The following FNBP1L variants were observed in gnomAD, a reference collection of about 807,000 sequenced individuals.
The protein encoded by FNBP1L is formin binding protein 1 like, also known as formin-binding protein 1-like.
In FNBP1L, 36 loss-of-function variants were observed where a neutral mutation model predicts 91.2. The ratio of observed to expected loss-of-function variants is 0.39; its 90% confidence interval spans 0.30 to 0.52. The LOEUF is 0.52. Among genes scored for constraint, FNBP1L ranks in the 20% least tolerant of loss-of-function variants. The probability of loss-of-function intolerance (pLI) is 0.66; values close to 1 mark genes in which losing one functional copy is unlikely to be tolerated. For synonymous variants in FNBP1L, 242 were observed against 237.0 expected (o/e 1.02, Z -0.19); for missense variants, 571 against 732.1 (o/e 0.78, Z 2.54).
intron 1 of FNBP1L, among the ~76,000 whole-genome samples, chr1:93,474,533 C>G (rs12742850): frequency 0.48 from 72,445 of 152,110 alleles, 20,675 homozygotes; most frequent in Non-Finnish European, 0.62. Context: ...ATAGACGTGC[C>G]TAGCCTGAGA....
intron 2 of FNBP1L, among the ~76,000 whole-genome samples, chr1:93,502,715 T>C (rs978794227): frequency 1.3e-5 from 2 of 152,234 alleles, no homozygotes; most frequent in Admixed American, 1.3e-4. Flanking sequence ...AAAGGTGATT[T>C]GAAGGAATGA....
At position 93,529,688 on chromosome 1, in the gene FNBP1L, G is replaced by T; in HGVS notation, c.442G>T (p.Glu148Ter). 1 of 1,514,196 alleles carries T rather than the reference G, an allele frequency of 6.6e-7. No homozygotes were observed. The highest frequency in any genetic ancestry group is 8.8e-7 in the Non-Finnish European group (1 of 1,135,458). 93.8% of individuals were successfully genotyped at this position (1,514,196 alleles called of 1,614,324 possible). The change falls in exon 6 of 17, where the codon GAA (glutamate) becomes TAA (stop). Residue 148 changes from glutamate to a stop codon, truncating the protein, a stop_gained. Transcript: ENST00000271234. LOFTEE classifies it high-confidence loss of function. ...KKFERECREA[E>*]KAQQSYERLD... ...GTTTGAAAGAGAATGTAGAGAGGCA[G>T]AAAAGGCACAACAGAGTTATGAAAG...
intron 6 of FNBP1L, 23 bp downstream of exon 6, chr1:93,529,779 T>A (rs1472573703): frequency 7.6e-7 from 1 of 1,313,146 alleles, no homozygotes; most frequent in Admixed American, 2.7e-5. Context: ...CCAAACCAAC[T>A]TTAATGTCAA....
At chr1:93,531,561 G>T in intron 7 of FNBP1L, among the ~76,000 whole-genome samples, 1 of 152,168 alleles carries the variant, frequency 6.6e-6, no homozygotes, top group East Asian at 1.9e-4. Context: ...GTCAGCCCGG[G>T]TACACTTTTT....
chr1:93,536,156 G>T (rs936633040), intron 9 of FNBP1L, among the ~76,000 whole-genome samples, 176 bp from the exon 10 acceptor site: 16 of 151,894 alleles, frequency 1.1e-4, no homozygotes, highest in Non-Finnish European at 2.9e-5. Flanking sequence ...AAGTAAATTT[G>T]ATTTTTTTAA....
At chr1:93,532,633 AG>A (rs1323807885) in intron 7 of FNBP1L, among the ~76,000 whole-genome samples, 1 of 152,196 alleles carries the variant, frequency 6.6e-6, no homozygotes, top group East Asian at 1.9e-4. Context: ...GCTATGGGGC[AG>A]GGAGCTGATA....
chr1:93,502,632 C>T (rs60621252), intron 2 of FNBP1L, among the ~76,000 whole-genome samples: 2,776 of 152,186 alleles, frequency 0.018, 96 homozygotes, highest in African/African-American at 0.064. Flanking sequence ...GTGGCTAGAA[C>T]CCACAACTTC....
chr1:93,512,004 A>C (rs1479705737), intron 2 of FNBP1L, among the ~76,000 whole-genome samples: 1 of 149,672 alleles, frequency 6.7e-6, no homozygotes, highest in Non-Finnish European at 1.5e-5. Context: ...AAGACCCATC[A>C]GTGTGCTGTA....
intron 1 of FNBP1L, among the ~76,000 whole-genome samples, chr1:93,494,664 G>T (rs1570801533): frequency 6.6e-6 from 1 of 152,124 alleles, no homozygotes; most frequent in East Asian, 1.9e-4. Flanking sequence ...TTAGAATCAG[G>T]GGTGGAGACC....
chr1:93,490,773 C>T (rs1360727168), intron 1 of FNBP1L, among the ~76,000 whole-genome samples: 1 of 152,156 alleles, frequency 6.6e-6, no homozygotes, highest in Non-Finnish European at 1.5e-5. Context: ...CACCTTCACT[C>T]CTTTAGTTTG....
intron 1 of FNBP1L, among the ~76,000 whole-genome samples, chr1:93,497,062 G>A (rs980146944): frequency 3.9e-5 from 6 of 152,044 alleles, no homozygotes; most frequent in Non-Finnish European, 7.4e-5. Context: ...CTGGGTTCAT[G>A]CCATTCCCTG....
chr1:93,500,680 A>C (rs890959732), intron 2 of FNBP1L, among the ~76,000 whole-genome samples: 6 of 150,748 alleles, frequency 4.0e-5, no homozygotes, highest in African/African-American at 1.0e-4. Flanking sequence ...AAATTAATTT[A>C]AACTAGTGGT....
chr1:93,480,580 C>G (rs1669663464), intron 1 of FNBP1L, among the ~76,000 whole-genome samples: 1 of 151,728 alleles, frequency 6.6e-6, no homozygotes, highest in African/African-American at 2.4e-5. Flanking sequence ...CTCTTAGAGT[C>G]TCTTAATTTT....
intron 2 of FNBP1L, among the ~76,000 whole-genome samples, chr1:93,507,102 CACACA>C: frequency 1.4e-5 from 1 of 71,488 alleles, no homozygotes; most frequent in Non-Finnish European, 2.5e-5. Context: ...CACACACACA[CACACA>C]CTCTCTCTCT....
At chr1:93,457,636 T>A (rs1427581148) in intron 1 of FNBP1L, among the ~76,000 whole-genome samples, 1 of 152,100 alleles carries the variant, frequency 6.6e-6, no homozygotes, top group Non-Finnish European at 1.5e-5. Context: ...TTGGCTTATC[T>A]TTGATGATTT....
At chr1:93,466,072 A>AT (rs544551603) in intron 1 of FNBP1L, among the ~76,000 whole-genome samples, 151 of 151,622 alleles carry the variant, frequency 1.0e-3, no homozygotes, top group African/African-American at 3.5e-3. Flanking sequence ...TTTCTTGTAA[A>AT]TTTGTTTCTT....
intron 3 of FNBP1L, 123 bp from the exon 4 acceptor site, chr1:93,523,221 C>G: frequency 2.2e-6 from 2 of 897,064 alleles, no homozygotes; most frequent in South Asian, 5.1e-5. Context: ...TAATTTAGAA[C>G]TAGTAGCTGA....
intron 1 of FNBP1L, among the ~76,000 whole-genome samples, chr1:93,467,793 A>G (rs184705689): frequency 6.6e-6 from 1 of 152,262 alleles, no homozygotes; most frequent in Admixed American, 6.5e-5. Flanking sequence ...CTCTTAAAAA[A>G]GGTAGGCTTG....
At chr1:93,481,520 CATCTT>C (rs971841807) in intron 1 of FNBP1L, among the ~76,000 whole-genome samples, 3 of 152,126 alleles carry the variant, frequency 2.0e-5, no homozygotes, top group South Asian at 2.1e-4. Context: ...AATAATCAAA[CATCTT>C]AACTAGTTTA....
Sources: gnomAD v4.1 joint callset for allele counts (sites outside exome capture counted in the v4.1 genomes callset) on GRCh38, gnomAD v4.1.1 for gene constraint, MANE v1.5 for transcripts, NCBI Gene and HGNC (gene_info 2026-07-23, HGNC 2026-07-21) for gene names.